Variants in SLC7A5 observed in about 807,000 individuals in gnomAD.
The protein encoded by SLC7A5 is solute carrier family 7 member 5, also known as large neutral amino acids transporter small subunit 1.
A neutral mutation model predicts 50.2 loss-of-function variants in SLC7A5; 23 were observed. The observed-to-expected ratio is 0.46, with a 90% confidence interval of 0.33 to 0.65. The LOEUF (loss-of-function observed/expected upper bound fraction) is 0.65, where lower values mean the gene tolerates loss of function less well. Ranked by LOEUF, SLC7A5 falls within the 30% of genes least tolerant of loss-of-function variation. SLC7A5 has a pLI of 0.02. For missense variants in SLC7A5, 578 were observed against 684.4 expected (o/e 0.84, Z 1.73); for synonymous variants, 393 against 330.6 (o/e 1.19, Z -2.05).
intron 2 of SLC7A5, 106 bp downstream of exon 2, chr16:87,851,618 A>C: frequency 7.2e-7 from 1 of 1,380,560 alleles, no homozygotes; most frequent in Non-Finnish European, 1.0e-6. Context: ...ACAGCACTGC[A>C]GAGCTGCGGA....
chr16:87,860,431 A>G lies in SLC7A5; in HGVS notation c.538+8454T>C, dbSNP rs574854206. Reference sequence around the variant, plus strand: ...ATATAAAGAAAAAGGAAATCTTCGAACCCACCTGTGACCAGGAAGCCCATC... The same window carrying G: ...ATATAAAGAAAAAGGAAATCTTCGAGCCCACCTGTGACCAGGAAGCCCATC... On this transcript the variant is annotated intron_variant, in intron 1 of 9. Transcript: ENST00000261622. This position sits in a 1 kb window ranked among gnomAD's most constrained non-coding sequence, Gnocchi z 4.8. Among the ~76,000 whole-genome samples, 21 of 149,936 alleles carry G rather than the reference A, an allele frequency of 1.4e-4. No individual in the cohort carries two copies. The highest frequency in any genetic ancestry group is 2.2e-4 in the Non-Finnish European group (15 of 67,728).
At chr16:87,845,373 G>A (rs1038298076) in intron 2 of SLC7A5, among the ~76,000 whole-genome samples, 12 of 151,750 alleles carry the variant, frequency 7.9e-5, no homozygotes, top group Admixed American at 3.9e-4. Context: ...TGCAGTGACC[G>A]CCACATGGGT....
chr16:87,868,888 C>G lies in SLC7A5; in HGVS notation c.535G>C (p.Val179Leu). 2 of 1,605,982 alleles carry G rather than the reference C, an allele frequency of 1.2e-6. No homozygotes were observed. Among genetic ancestry groups the G allele is most frequent in the Non-Finnish European group, 1.7e-6 (2 of 1,177,110 alleles). Residue 179 changes from valine (V) to leucine (L), a missense_variant, in exon 1 of 10, where the codon GTG (valine) becomes CTG (leucine). Around this residue, in one of 2 missense-constraint regions of SLC7A5, gnomAD observed 465 missense variants for 594.6 expected, o/e 0.78. Coordinates refer to ENST00000261622, the MANE Select transcript of SLC7A5 (RefSeq NM_003486.7). ...CCGGCCCGCGCCCCGTACTCACGCA[C>G]GCAGAGGCAGGCCACGAGCTTGGCT... ...EAAKLVACLC[V>L]LLLTAVNCYS...
At chr16:87,843,708 G>A (rs908538178) in intron 2 of SLC7A5, among the ~76,000 whole-genome samples, 13 of 152,162 alleles carry the variant, frequency 8.5e-5, no homozygotes, top group Admixed American at 1.3e-4. Flanking sequence ...GGCGGGGTGC[G>A]GCGCTACTGG....
At position 87,834,456 on chromosome 16, in the gene SLC7A5, C is replaced by A. The variant is rs146583737; in HGVS notation, c.1426G>T (p.Val476Phe). The change falls in exon 9 of 10, where the codon GTC (valine) becomes TTC (phenylalanine). Residue 476 changes from valine to phenylalanine, a missense_variant. Val to Phe is a conservative substitution (Grantham distance 50). Coordinates refer to ENST00000261622, the MANE Select transcript of SLC7A5 (RefSeq NM_003486.7). Reference protein sequence around the residue: ...LSGLPVYFFGVWWKNKPKWLL... With the variant: ...LSGLPVYFFGFWWKNKPKWLL... ...CACTTGGGCTTGTTTTTCCACCAGA[C>A]CCCGAAGAAGTAGACGGGCAGCCCG... The A allele has an allele frequency of 1.6e-4, 244 of 1,562,576 alleles. 1 individual carries two copies. The highest frequency in any genetic ancestry group is 1.5e-3 in the Middle Eastern group (9 of 6,000).
At chr16:87,857,225 A>T (rs1240610586) in intron 1 of SLC7A5, among the ~76,000 whole-genome samples, 1 of 147,200 alleles carries the variant, frequency 6.8e-6, no homozygotes, top group Non-Finnish European at 1.5e-5. Context: ...CAGCGTTCAC[A>T]TTTTTTTTTT....
Position 87,869,297 on chromosome 16 carries a change from C to A in SLC7A5, c.126G>T (p.Glu42Asp). 1 of 1,611,588 alleles carries A rather than the reference C, an allele frequency of 6.2e-7. No individual in the cohort carries two copies. The highest frequency in any genetic ancestry group is 1.3e-5 in the African/African-American group (1 of 75,008). The stretch of plus-strand genomic sequence containing the variant: ...TGATGTTCCGCTGCAGGGTCACGCC[C>A]TCGCCCTCGCCTGCCGGCGCCGAGC... ...ADGSAPAGEGEGVTLQRNITL... is the reference protein window; with the variant it reads ...ADGSAPAGEGDGVTLQRNITL... The change falls in exon 1 of 10, where the codon GAG becomes GAT. Residue 42 changes from glutamate (E) to aspartate (D), a missense_variant. By Grantham distance (45) the Glu-to-Asp change is conservative. This residue lies in a region of SLC7A5 where 113 missense variants were observed against 89.8 expected (regional missense o/e 1.26). Transcript: ENST00000261622.
chr16:87,849,903 T>C lies in SLC7A5; in HGVS notation c.664+1821A>G, dbSNP rs564598719. On this transcript the variant is annotated intron_variant, in intron 2 of 9. Transcript: ENST00000261622. ...ACCTGGGCAACCTTCCAGAGCCACC[T>C]GGGAATCAAGTGGGACTTCCCCTCG... is the stretch of plus-strand genomic sequence containing the variant. 2.0e-5 allele frequency among the ~76,000 whole-genome samples: 3 copies of C among 152,232 alleles called. No homozygotes were observed. The East Asian group carries it at 5.8e-4, about 29-fold the overall frequency.
At chr16:87,836,931 A>G (rs897792193) in intron 7 of SLC7A5, 4 of 478,086 alleles carry the variant, frequency 8.4e-6, no homozygotes, top group African/African-American at 7.9e-5. Context: ...TGGGTTAAGG[A>G]CAGGTGAAGA....
chr16:87,841,291 G>A lies in SLC7A5; in HGVS notation c.665-136C>T. The A allele has an allele frequency of 2.9e-6, 2 of 685,994 alleles. No homozygotes were observed. The highest frequency in any genetic ancestry group is 5.4e-6 in the Non-Finnish European group (2 of 373,680). 42.5% of individuals were successfully genotyped at this position (685,994 alleles called of 1,614,324 possible). A position where few individuals can be genotyped will look rare whatever the true frequency, so the allele number is the denominator to read the frequency against. The stretch of plus-strand genomic sequence containing the variant: ...GTGAAGGCTTTTCACTGTGACAAAT[G>A]GTATGTACCTGCTGAGCCACATGGA... On this transcript the variant is annotated intron_variant, in intron 2 of 9. Coordinates refer to ENST00000261622, the MANE Select transcript of SLC7A5 (RefSeq NM_003486.7). This position sits in a 1 kb window ranked among gnomAD's most constrained non-coding sequence, Gnocchi z 4.8.
intron 1 of SLC7A5, among the ~76,000 whole-genome samples, chr16:87,856,969 G>T (rs1280154096): frequency 6.6e-6 from 1 of 151,930 alleles, no homozygotes; most frequent in Non-Finnish European, 1.5e-5. Context: ...AGCGCCCCCA[G>T]CACAGGCGCG....
At chr16:87,847,769 G>C (rs1420346301) in intron 2 of SLC7A5, among the ~76,000 whole-genome samples, 1 of 152,188 alleles carries the variant, frequency 6.6e-6, no homozygotes, top group African/African-American at 2.4e-5. Context: ...GTGGGACCTG[G>C]GGCAGGGCAC....
In SLC7A5 at chr16:87,861,888, C is replaced by T. The variant is rs59953581; in HGVS notation, c.538+6997G>A. Among the ~76,000 whole-genome samples the T allele has an allele frequency of 1.5e-3, 234 of 152,322 alleles. No homozygotes were observed. Among genetic ancestry groups the T allele is most frequent in the African/African-American group, 5.4e-3 (225 of 41,568 alleles). On this transcript the variant is annotated intron_variant, in intron 1 of 9. Coordinates refer to ENST00000261622, the MANE Select transcript of SLC7A5 (RefSeq NM_003486.7). The surrounding 1 kb of genome is among the most constrained non-coding windows in gnomAD (Gnocchi z 4.2). The stretch of plus-strand genomic sequence containing the variant: ...GATGCAGCGTGACCTGCCTAGGTGC[C>T]GGCGGCACTTTCATGTGCGGCTGGG...
chr16:87,837,482 A>G (rs2055021496), intron 7 of SLC7A5: 2 of 284,798 alleles, frequency 7.0e-6, no homozygotes, highest in Non-Finnish European at 1.3e-5. Context: ...GCTGGCACGG[A>G]AAGATGCAGG....
chr16:87,851,419 C>T (rs1028066965), intron 2 of SLC7A5, among the ~76,000 whole-genome samples: 5 of 152,152 alleles, frequency 3.3e-5, no homozygotes, highest in African/African-American at 1.2e-4. Flanking sequence ...CCACATCGCC[C>T]CCAGGTGAGG....
In SLC7A5 at chr16:87,832,314, G is replaced by C. The variant is rs912868222; in HGVS notation, c.*656C>G. ...TTCCCTGGCTCAGGATGGTGTCTCGGGGCTAGGATTATGGTCAGGAGTCCA... is the reference window on the plus strand; with the variant it reads ...TTCCCTGGCTCAGGATGGTGTCTCGCGGCTAGGATTATGGTCAGGAGTCCA... On this transcript the variant is annotated 3_prime_UTR_variant, in exon 10 of 10. Coordinates refer to ENST00000261622, the MANE Select transcript of SLC7A5 (RefSeq NM_003486.7). This position sits in a 1 kb window ranked among gnomAD's most constrained non-coding sequence, Gnocchi z 4.6. 5 of 152,236 alleles carry C rather than the reference G, an allele frequency of 3.3e-5. No homozygotes were observed. The highest frequency in any genetic ancestry group is 1.3e-4 in the Admixed American group (2 of 15,294). The allele number at this position is 152,236 out of a possible 1,614,324, so 9.4% of individuals were successfully genotyped here.
In SLC7A5 at chr16:87,839,805, A is replaced by C; in HGVS notation, c.836T>G (p.Ile279Ser). The change falls in exon 5 of 10, where the codon ATC becomes AGC. Residue 279 changes from isoleucine (I) to serine (S), a missense_variant. By Grantham distance (142) the Ile-to-Ser change is moderately radical (BLOSUM62 -2). This residue lies in a region of SLC7A5 where 465 missense variants were observed against 594.6 expected (regional missense o/e 0.78). Transcript: ENST00000261622. ...NPYRNLPLAI[I>S]ISLPIVTLVY... ...CAGCGTCACGATGGGCAGGGAGATGATGATGGCCAGGGGCAGGTTTCTGGA... is the reference window on the plus strand; with the variant it reads ...CAGCGTCACGATGGGCAGGGAGATGCTGATGGCCAGGGGCAGGTTTCTGGA... 6.2e-7 allele frequency: 1 copy of C among 1,613,874 alleles called. No homozygotes were observed. Among genetic ancestry groups the C allele is most frequent in the Non-Finnish European group, 8.5e-7 (1 of 1,179,954 alleles).
intron 1 of SLC7A5, among the ~76,000 whole-genome samples, chr16:87,856,682 T>C (rs1288644245): frequency 1.3e-5 from 2 of 152,198 alleles, no homozygotes; most frequent in Non-Finnish European, 2.9e-5. Context: ...CCGAACTTGG[T>C]GGCTGCCCAG....
chr16:87,864,313 T>C (rs563219286), intron 1 of SLC7A5, among the ~76,000 whole-genome samples: 1 of 151,902 alleles, frequency 6.6e-6, no homozygotes, highest in African/African-American at 2.4e-5. Flanking sequence ...AATAAATAAA[T>C]AATAAATAAG....
Sources: allele counts gnomAD v4.1 joint callset (sites outside exome capture counted in the v4.1 genomes callset), GRCh38; gene constraint gnomAD v4.1.1; regional missense constraint gnomAD v4.1.1; non-coding constraint Gnocchi (gnomAD v3.1); transcripts MANE v1.5; gene names NCBI Gene and HGNC (gene_info 2026-07-23, HGNC 2026-07-21).